Variants in MYPOP observed in about 807,000 individuals in gnomAD.
MYPOP encodes Myb related transcription factor, partner of profilin.
A neutral mutation model predicts 25.7 loss-of-function variants in MYPOP; 21 were observed. The observed-to-expected ratio is 0.82, with a 90% confidence interval of 0.58 to 1.18. MYPOP has a LOEUF of 1.18. MYPOP is among the 50% of genes most tolerant of loss of function. The probability of loss-of-function intolerance (pLI) is 0.00; values close to 1 mark genes in which losing one functional copy is unlikely to be tolerated. For synonymous variants in MYPOP, 280 were observed against 247.9 expected (o/e 1.13, Z -1.22); for missense variants, 566 against 588.3 (o/e 0.96, Z 0.39).
chr19:45,890,706 G>A lies in MYPOP; in HGVS notation c.1117C>T (p.Leu373Phe), dbSNP rs1483917590. ...TGTGGGGGGGAGTCGTGCGGAGGGAGCGGGGCTGGGGGGGGCCGGGGTGCC... is the reference window on the plus strand; with the variant it reads ...TGTGGGGGGGAGTCGTGCGGAGGGAACGGGGCTGGGGGGGGCCGGGGTGCC... The part of the protein sequence containing the change: ...EGAPRPPPAP[L>F]PPHDSPPHKR... Residue 373 changes from leucine to phenylalanine, a missense_variant, in exon 3 of 3, where the codon CTC becomes TTC. Transcript: ENST00000322217. The A allele has an allele frequency of 3.2e-6, 5 of 1,576,360 alleles. No individual in the cohort carries two copies. Among genetic ancestry groups the A allele is most frequent in the Admixed American group, 1.8e-5 (1 of 56,254 alleles).
Position 45,901,696 on chromosome 19 carries a change from C to T in MYPOP, c.78G>A (p.Gln26=). Residue 26 remains glutamine, a synonymous_variant, in exon 2 of 3, where the codon CAG becomes CAA. Transcript: ENST00000322217. This position sits in a 1 kb window ranked among gnomAD's most constrained non-coding sequence, Gnocchi z 5.7. ...RKPRFSFEEN[Q]ILIREVRAHY... is the part of the protein sequence containing the mutation. ...GGGCGCGCACCTCGCGGATCAGGAT[C>T]TGGTTCTCTTCGAATGAGAAGCGCG... 6.2e-7 allele frequency: 1 copy of T among 1,603,072 alleles called. No individual in the cohort carries two copies. The highest frequency in any genetic ancestry group is 2.3e-5 in the East Asian group (1 of 43,864).
chr19:45,902,518 G>T (rs780224841), intron 1 of MYPOP, 52 bp downstream of exon 1: 10 of 152,284 alleles, frequency 6.6e-5, no homozygotes, highest in Non-Finnish European at 1.3e-4. Context: ...GGACGGCAGG[G>T]AGAGCGAAGG....
chr19:45,890,720 G>GGGC lies in MYPOP; in HGVS notation c.1102_1103insGCC (p.Arg367dup). On this transcript the variant is annotated inframe_insertion, in exon 3 of 3. Transcript: ENST00000322217. ...GTGCGGAGGGAGCGGGGCTGGGGGG[G>GGGC]GCCGGGGTGCCCCCTCCTCGCTCCT... 1 of 1,571,184 alleles carries GGGC rather than the reference G, an allele frequency of 6.4e-7. No homozygotes were observed. Among genetic ancestry groups the GGGC allele is most frequent in the Non-Finnish European group, 8.7e-7 (1 of 1,153,732 alleles).
intron 1 of MYPOP, among the ~76,000 whole-genome samples, chr19:45,902,319 G>A (rs1204706829): frequency 1.3e-5 from 2 of 151,820 alleles, no homozygotes; most frequent in Admixed American, 1.3e-4. Flanking sequence ...TATGAGAAGG[G>A]CCCTTAGAGG....
In MYPOP at chr19:45,899,199, C is replaced by G. The variant is rs557629900; in HGVS notation, c.499+2076G>C. Among the ~76,000 whole-genome samples, 6 of 152,266 alleles carry G rather than the reference C, an allele frequency of 3.9e-5. No homozygotes were observed. In the South Asian group the frequency reaches 1.2e-3, roughly 32 times the overall value. On this transcript the variant is annotated intron_variant, in intron 2 of 2. Transcript: ENST00000322217. ...CGAGATTGCGCCATTTCACTCTAGC[C>G]TGGGCAATAAGAGCAAAACTCAGTC...
Position 45,901,358 on chromosome 19 carries a change from G to A in MYPOP, c.416C>T (p.Ala139Val), listed in dbSNP as rs746019968. Residue 139 changes from alanine to valine, a missense_variant, in exon 2 of 3, where the codon GCC (alanine) becomes GTC (valine). Ala to Val is a moderately conservative substitution (Grantham distance 64). Coordinates refer to ENST00000322217, the MANE Select transcript of MYPOP (RefSeq NM_001012643.4). This position sits in a 1 kb window ranked among gnomAD's most constrained non-coding sequence, Gnocchi z 5.7. ...AGAGAEEPPA[A>V]PSSQPPPPSA... ...TGGGGGCGGCGGCTGTGAAGAGGGG[G>A]CCGCAGGGGGCTCCTCCGCCCCAGC... The A allele has an allele frequency of 1.8e-4, 259 of 1,465,290 alleles. 1 individual carries two copies. The highest frequency in any genetic ancestry group is 1.0e-4 in the Non-Finnish European group (113 of 1,109,360). 90.8% of individuals were successfully genotyped at this position (1,465,290 alleles called of 1,614,324 possible).
At chr19:45,897,247 G>C (rs536352454) in intron 2 of MYPOP, among the ~76,000 whole-genome samples, 1 of 148,110 alleles carries the variant, frequency 6.8e-6, no homozygotes, top group East Asian at 2.1e-4. Flanking sequence ...ATTTTTAGTA[G>C]AGACAAGGTT....
In MYPOP at chr19:45,901,399, C is replaced by T. The variant is rs749136437; in HGVS notation, c.375G>A (p.Ala125=). ...TIFAILGPGV[A]APGAGAGAEE... ...CCGCCCCAGCACCTGCCCCCGGCGC[C>T]GCCACACCTGGCCCCAGGATGGCAA... Residue 125 remains alanine (A), a synonymous_variant, in exon 2 of 3, where the codon GCG becomes GCA. Coordinates refer to ENST00000322217, the MANE Select transcript of MYPOP (RefSeq NM_001012643.4). This position sits in a 1 kb window ranked among gnomAD's most constrained non-coding sequence, Gnocchi z 5.7. The T allele has an allele frequency of 1.1e-5, 17 of 1,536,468 alleles. No homozygotes were observed. The African/African-American group carries it at 2.1e-4, about 19-fold the overall frequency.
intron 2 of MYPOP, among the ~76,000 whole-genome samples, chr19:45,895,070 C>G (rs1028888634): frequency 6.6e-6 from 1 of 152,090 alleles, no homozygotes; most frequent in African/African-American, 2.4e-5. Flanking sequence ...TTTCTATGCT[C>G]AAACCGTCCT....
chr19:45,901,702 C>G lies in MYPOP; in HGVS notation c.72G>C (p.Glu24Asp). The change falls in exon 2 of 3, where the codon GAG becomes GAC. Residue 24 changes from glutamate (E) to aspartate (D), a missense_variant. Physicochemically the swap from Glu to Asp is conservative, Grantham distance 45. Coordinates refer to ENST00000322217, the MANE Select transcript of MYPOP (RefSeq NM_001012643.4). This position sits in a 1 kb window ranked among gnomAD's most constrained non-coding sequence, Gnocchi z 5.7. Reference protein sequence around the residue: ...RLRKPRFSFEENQILIREVRA... With the variant: ...RLRKPRFSFEDNQILIREVRA... ...GCACCTCGCGGATCAGGATCTGGTT[C>G]TCTTCGAATGAGAAGCGCGGCTTGC... 6.3e-7 allele frequency: 1 copy of G among 1,599,038 alleles called. No homozygotes were observed. The highest frequency in any genetic ancestry group is 8.5e-7 in the Non-Finnish European group (1 of 1,175,076).
In MYPOP at chr19:45,901,178, G is replaced by T; in HGVS notation, c.499+97C>A. 1.7e-6 allele frequency: 2 copies of T among 1,175,734 alleles called. No homozygotes were observed. The highest frequency in any genetic ancestry group is 2.2e-6 in the Non-Finnish European group (2 of 897,650). The allele number at this position is 1,175,734 out of a possible 1,614,324, so 72.8% of individuals were successfully genotyped here. A position where few individuals can be genotyped will look rare whatever the true frequency, so the allele number is the denominator to read the frequency against. Reference sequence around the variant, plus strand: ...TCCCTAGCTATAAAATGGGGCGAAGGACAGCATCCACCTCACAGGGCTGCA... The same window carrying T: ...TCCCTAGCTATAAAATGGGGCGAAGTACAGCATCCACCTCACAGGGCTGCA... On this transcript the variant is annotated intron_variant, in intron 2 of 2. Coordinates refer to ENST00000322217, the MANE Select transcript of MYPOP (RefSeq NM_001012643.4). The surrounding 1 kb of genome is among the most constrained non-coding windows in gnomAD (Gnocchi z 5.7).
chr19:45,896,147 C>G (rs145163118), intron 2 of MYPOP, among the ~76,000 whole-genome samples: 1 of 152,010 alleles, frequency 6.6e-6, no homozygotes, highest in Non-Finnish European at 1.5e-5. Flanking sequence ...AAAAATTAGC[C>G]GGGTGTGGTG....
At chr19:45,892,714 G>A (rs1229427146) in intron 2 of MYPOP, among the ~76,000 whole-genome samples, 2 of 151,958 alleles carry the variant, frequency 1.3e-5, no homozygotes, top group Non-Finnish European at 2.9e-5. Context: ...ACATACAGAA[G>A]CTATCGTCTC....
In MYPOP at chr19:45,891,204, C is replaced by T; in HGVS notation, c.619G>A (p.Ala207Thr). The T allele has an allele frequency of 6.5e-7, 1 of 1,532,232 alleles. No individual in the cohort carries two copies. Among genetic ancestry groups the T allele is most frequent in the Non-Finnish European group, 8.7e-7 (1 of 1,144,094 alleles). 94.9% of individuals were successfully genotyped at this position (1,532,232 alleles called of 1,614,324 possible). Residue 207 changes from alanine (A) to threonine (T), a missense_variant, in exon 3 of 3, where the codon GCC (alanine) becomes ACC (threonine). Transcript: ENST00000322217. ...CGAGGCAGCTGGACCGGCTGCAGGGCCGAAGGGGGTGGTGACTCACGCTCC... is the reference window on the plus strand; with the variant it reads ...CGAGGCAGCTGGACCGGCTGCAGGGTCGAAGGGGGTGGTGACTCACGCTCC... ...PKERESPPPS[A>T]LQPVQLPRLA...
chr19:45,894,274 G>A (rs61120843), intron 2 of MYPOP, among the ~76,000 whole-genome samples: 9,940 of 149,712 alleles, frequency 0.066, 587 homozygotes, highest in East Asian at 0.3. Context: ...CACCACGCCC[G>A]GCTAATTTTT....
chr19:45,894,215 C>A (rs1967169295), intron 2 of MYPOP, among the ~76,000 whole-genome samples: 1 of 151,044 alleles, frequency 6.6e-6, no homozygotes, highest in African/African-American at 2.4e-5. Context: ...TGGGTTCACA[C>A]CATTCTCCTG....
intron 2 of MYPOP, among the ~76,000 whole-genome samples, chr19:45,893,578 A>G (rs1205575108): frequency 6.6e-6 from 1 of 151,236 alleles, no homozygotes; most frequent in Non-Finnish European, 1.5e-5. Flanking sequence ...CAAAAAAAAA[A>G]AAAAAAAAAA....
rs1485361855 is a variant in MYPOP at position 45,890,970 on chromosome 19, C to T, written c.853G>A (p.Ala285Thr). ...GCGCTGAGGGCCTCGCTCAGTTTGG[C>T]CAGTCCCTGTCGAAGGGTGCCGGCC... Reference protein sequence around the residue: ...ELAGTLRQGLAKLSEALSALL... With the variant: ...ELAGTLRQGLTKLSEALSALL... Residue 285 changes from alanine (A) to threonine (T), a missense_variant, in exon 3 of 3, where the codon GCC (alanine) becomes ACC (threonine). Physicochemically the swap from Ala to Thr is moderately conservative, Grantham distance 58. Coordinates refer to ENST00000322217, the MANE Select transcript of MYPOP (RefSeq NM_001012643.4). The T allele has an allele frequency of 6.7e-7, 1 of 1,493,890 alleles. No homozygotes were observed. Among genetic ancestry groups the T allele is most frequent in the Admixed American group, 2.2e-5 (1 of 44,520 alleles). The allele number at this position is 1,493,890 out of a possible 1,614,324, so 92.5% of individuals were successfully genotyped here.
intron 2 of MYPOP, among the ~76,000 whole-genome samples, chr19:45,894,368 C>T (rs1436130783): frequency 6.6e-6 from 1 of 152,036 alleles, no homozygotes; most frequent in African/African-American, 2.4e-5. Flanking sequence ...CTGCCTTGGC[C>T]TCCCAAAGTG....
Sources: gnomAD v4.1 joint callset for allele counts (sites outside exome capture counted in the v4.1 genomes callset) on GRCh38, gnomAD v4.1.1 for gene constraint, Gnocchi (gnomAD v3.1) non-coding constraint, MANE v1.5 for transcripts, NCBI Gene and HGNC (gene_info 2026-07-23, HGNC 2026-07-21) for gene names.